Variants in DPYD observed in about 807,000 individuals in gnomAD.
DPYD encodes the protein dihydropyrimidine dehydrogenase.
Under a neutral mutation model 116.2 loss-of-function variants are expected in DPYD, and 109 were observed. That is an observed-to-expected ratio of 0.94 (90% confidence interval 0.80 to 1.10). The LOEUF (loss-of-function observed/expected upper bound fraction) is 1.10. Ranked by LOEUF, DPYD falls within the 50% of genes least tolerant of loss-of-function variation. The probability of loss-of-function intolerance (pLI) is 0.00; values close to 1 mark genes in which losing one functional copy is unlikely to be tolerated. For missense variants in DPYD, 1,302 were observed against 1,254.5 expected, an observed-to-expected ratio of 1.04 and a Z score of -0.57; for synonymous variants, 440 against 432.0, an observed-to-expected ratio of 1.02 and a Z score of -0.23.
intron 14 of DPYD, among the ~76,000 whole-genome samples, chr1:97,431,657 T>A (rs1177786432): frequency 2.0e-5 from 3 of 152,170 alleles, no homozygotes; most frequent in African/African-American, 7.2e-5. Context: ...CAAATCAGGG[T>A]AATTAGGATA....
chr1:97,602,072 T>C (rs115803273), intron 8 of DPYD, among the ~76,000 whole-genome samples: 1,983 of 152,096 alleles, frequency 0.013, 21 homozygotes, highest in Middle Eastern at 0.024. Flanking sequence ...AGTATTTTTT[T>C]CCATTACACA....
At chr1:97,277,289 C>T (rs1279748504) in intron 18 of DPYD, among the ~76,000 whole-genome samples, 1 of 151,884 alleles carries the variant, frequency 6.6e-6, no homozygotes, top group Non-Finnish European at 1.5e-5. Context: ...CAGGATCATT[C>T]ATATCCCAAA....
intron 5 of DPYD, chr1:97,720,306 G>A: frequency 2.0e-6 from 2 of 985,368 alleles, no homozygotes; most frequent in Non-Finnish European, 2.4e-6. Flanking sequence ...TACTGCATCT[G>A]TGAAAGCTTG....
intron 3 of DPYD, among the ~76,000 whole-genome samples, chr1:97,753,330 T>C (rs1448907088): frequency 6.6e-6 from 1 of 152,172 alleles, no homozygotes; most frequent in Non-Finnish European, 1.5e-5. Flanking sequence ...AATAAAGATC[T>C]CCTAAAAATC....
At chr1:97,755,644 CCCA>C (rs1457485641) in intron 3 of DPYD, among the ~76,000 whole-genome samples, 2 of 152,128 alleles carry the variant, frequency 1.3e-5, no homozygotes, top group Non-Finnish European at 2.9e-5. Context: ...ACATTTGATA[CCCA>C]CCACAACACA....
chr1:97,785,681 CTTTTTTTT>C (rs35229030), intron 3 of DPYD, among the ~76,000 whole-genome samples: 5 of 62,538 alleles, frequency 8.0e-5, no homozygotes, highest in South Asian at 5.9e-4. Context: ...GCCACTGACT[CTTTTTTTT>C]TTTTTTTTTT....
At chr1:97,786,553 C>T (rs1557960813) in intron 3 of DPYD, among the ~76,000 whole-genome samples, 2 of 152,136 alleles carry the variant, frequency 1.3e-5, no homozygotes, top group Non-Finnish European at 2.9e-5. Flanking sequence ...CCTTCTCATC[C>T]TGGAAATGTG....
At chr1:97,237,241 CAAAAAAAAAA>C (rs58926889) in intron 18 of DPYD, among the ~76,000 whole-genome samples, 1 of 57,700 alleles carries the variant, frequency 1.7e-5, no homozygotes, top group Non-Finnish European at 3.4e-5. Context: ...GATTCTGTCT[CAAAAAAAAAA>C]AAAAAAAAAA....
At chr1:97,714,655 C>CAAAAAAAAAAAAAAA (rs1193831747) in intron 5 of DPYD, among the ~76,000 whole-genome samples, 2 of 49,926 alleles carry the variant, frequency 4.0e-5, no homozygotes, top group Non-Finnish European at 8.3e-5. Flanking sequence ...AAAGAAAAGA[C>CAAAAAAAAAAAAAAA]AAAAAAAAAA....
chr1:97,651,812 A>T (rs1658600010), intron 8 of DPYD, among the ~76,000 whole-genome samples: 1 of 152,208 alleles, frequency 6.6e-6, no homozygotes, highest in African/African-American at 2.4e-5. Context: ...TAATAAATTT[A>T]TAACATAAGC....
intron 19 of DPYD, among the ~76,000 whole-genome samples, chr1:97,232,461 T>C (rs1199981266): frequency 1.3e-5 from 2 of 152,172 alleles, no homozygotes; most frequent in African/African-American, 2.4e-5. Flanking sequence ...AATTGGAATA[T>C]TTTTAGCCAT....
intron 20 of DPYD, among the ~76,000 whole-genome samples, chr1:97,146,137 T>A (rs1447911399): frequency 6.6e-6 from 1 of 152,214 alleles, no homozygotes; most frequent in Non-Finnish European, 1.5e-5. Flanking sequence ...TTGATTTATT[T>A]GCTTTTTAGA....
intron 19 of DPYD, among the ~76,000 whole-genome samples, chr1:97,196,521 C>T (rs1658827070): frequency 6.6e-6 from 1 of 152,078 alleles, no homozygotes; most frequent in Non-Finnish European, 1.5e-5. Context: ...AGATTTCTGT[C>T]AAAATTGGCT....
chr1:97,362,416 T>C (rs1670784531), intron 16 of DPYD, among the ~76,000 whole-genome samples: 1 of 152,176 alleles, frequency 6.6e-6, no homozygotes, highest in Non-Finnish European at 1.5e-5. Flanking sequence ...CCCATCAAGC[T>C]ATCAATGACT....
chr1:97,227,920 T>A (rs948551566), intron 19 of DPYD, among the ~76,000 whole-genome samples: 3 of 152,000 alleles, frequency 2.0e-5, no homozygotes, highest in African/African-American at 7.2e-5. Flanking sequence ...TTAGCAAAAA[T>A]TTAAGCAAAT....
At chr1:97,810,056 G>A (rs1174045230) in intron 3 of DPYD, among the ~76,000 whole-genome samples, 2 of 151,968 alleles carry the variant, frequency 1.3e-5, no homozygotes, top group Non-Finnish European at 2.9e-5. Flanking sequence ...GGAGGCCGAC[G>A]CGGGTGGATC....
intron 14 of DPYD, among the ~76,000 whole-genome samples, chr1:97,389,360 G>A (rs530284455): frequency 1.3e-5 from 2 of 150,666 alleles, no homozygotes; most frequent in East Asian, 2.0e-4. Context: ...AAATTTACTA[G>A]AACATGGTAT....
At chr1:97,495,621 C>A (rs372168525) in intron 13 of DPYD, among the ~76,000 whole-genome samples, 2 of 151,962 alleles carry the variant, frequency 1.3e-5, no homozygotes, top group South Asian at 2.1e-4. Context: ...CATGACACCT[C>A]TGCTGGGTGG....
At chr1:97,601,046 G>T (rs978123668) in intron 8 of DPYD, among the ~76,000 whole-genome samples, 2 of 152,030 alleles carry the variant, frequency 1.3e-5, no homozygotes, top group Non-Finnish European at 2.9e-5. Flanking sequence ...CATTCAAATT[G>T]GAGCATTAAG....
Sources: gnomAD v4.1 joint callset for allele counts (sites outside exome capture counted in the v4.1 genomes callset) on GRCh38, gnomAD v4.1.1 for gene constraint, MANE v1.5 for transcripts, NCBI Gene and HGNC (gene_info 2026-07-23, HGNC 2026-07-21) for gene names.